GLB1L3: variants seen among roughly 807,000 people sequenced by gnomAD.
GLB1L3 encodes galactosidase beta 1 like 3.
In GLB1L3, 89 loss-of-function variants were observed where a neutral mutation model predicts 89.5. The ratio of observed to expected loss-of-function variants is 0.99; its 90% CI spans 0.84 to 1.19. The LOEUF (loss-of-function observed/expected upper bound fraction) is 1.19, where lower values mean the gene tolerates loss of function less well. Ranked by LOEUF, GLB1L3 falls within the 50% of genes most tolerant of loss-of-function variation. The pLI, the probability that GLB1L3 is intolerant of heterozygous loss-of-function variation, is 0.00. For missense variants in GLB1L3, 812 were observed against 813.3 expected, an observed-to-expected ratio of 1.00 and a Z score of 0.02; for synonymous variants, 314 against 312.3, an observed-to-expected ratio of 1.01 and a Z score of -0.06.
chr11:134,293,124 GTC>G lies in GLB1L3; in HGVS notation c.812-13_812-12del. On this transcript the variant is annotated intron_variant, in intron 8 of 19. Transcript: ENST00000431683. ...AGCACTTGTCTCATGCCTCAGCTGG[GTC>G]TCTCTCTTCTTTATGCAGTGTTGGC... 2 of 1,609,934 alleles carry G rather than the reference GTC, an allele frequency of 1.2e-6. No homozygotes were observed. Among genetic ancestry groups the G allele is most frequent in the South Asian group, 1.1e-5 (1 of 90,948 alleles).
chr11:134,292,923 T>C (rs1941437110), intron 8 of GLB1L3: 1 of 607,242 alleles, frequency 1.6e-6, no homozygotes, highest in South Asian at 1.9e-5. Flanking sequence ...CTGCACAGAG[T>C]GTGGTTAATT....
chr11:134,308,655 T>TCACCACCACCACCACCAA (rs1942556108), intron 10 of GLB1L3, among the ~76,000 whole-genome samples: 27 of 105,556 alleles, frequency 2.6e-4, no homozygotes, highest in East Asian at 6.4e-4. Context: ...ACCACCATCA[T>TCACCACCACCACCACCAA]CACCACCACC....
intron 16 of GLB1L3, among the ~76,000 whole-genome samples, chr11:134,313,725 C>G (rs1942854696): frequency 6.6e-6 from 1 of 152,218 alleles, no homozygotes; most frequent in African/African-American, 2.4e-5. Flanking sequence ...TTGGGAATTT[C>G]AGGAAAAGTT....
In GLB1L3 at chr11:134,310,762, C is replaced by G; in HGVS notation, c.1180+111C>G. 4 of 782,732 alleles carry G rather than the reference C, an allele frequency of 5.1e-6. No homozygotes were observed. In the South Asian group the frequency reaches 6.6e-5, roughly 13 times the overall value. 48.5% of individuals were successfully genotyped at this position (782,732 alleles called of 1,614,324 possible). A position where few individuals can be genotyped will look rare whatever the true frequency, so the allele number is the denominator to read the frequency against. On this transcript the variant is annotated intron_variant, in intron 12 of 19. Coordinates refer to ENST00000431683, the MANE Select transcript of GLB1L3 (RefSeq NM_001080407.3). ...CCTTGTGGGCAGCAGTTACACCAAG[C>G]TCCTGAGAACAAGGGCAACCTTAAC...
At chr11:134,319,741 T>C (rs1219714209), downstream of GLB1L3, among the ~76,000 whole-genome samples, 2 of 139,502 alleles carry the variant, frequency 1.4e-5, no homozygotes, top group East Asian at 4.1e-4. Context: ...TGTGTGTGTG[T>C]GTGTGTGCGC....
At chr11:134,321,823 A>G (rs1297601929), downstream of GLB1L3, among the ~76,000 whole-genome samples, 1 of 152,142 alleles carries the variant, frequency 6.6e-6, no homozygotes, top group Non-Finnish European at 1.5e-5. Context: ...AATGTAAATG[A>G]GGAGTTAATG....
chr11:134,312,993 T>A, intron 15 of GLB1L3, 106 bp downstream of exon 15: 1 of 840,314 alleles, frequency 1.2e-6, no homozygotes, highest in Non-Finnish European at 2.0e-6. Context: ...CTGCTGGTGC[T>A]GCTGCTCACC....
At chr11:134,316,550 C>T (rs576997291) in intron 18 of GLB1L3, among the ~76,000 whole-genome samples, 3 of 152,278 alleles carry the variant, frequency 2.0e-5, no homozygotes, top group African/African-American at 7.2e-5. Context: ...TCATAACAAA[C>T]AGCTGATACT....
chr11:134,295,030 T>C (rs1176262073), intron 9 of GLB1L3, among the ~76,000 whole-genome samples: 1 of 152,262 alleles, frequency 6.6e-6, no homozygotes, highest in African/African-American at 2.4e-5. Context: ...CATATTTTTG[T>C]TGAGAATTTT....
chr11:134,293,345 A>G, intron 9 of GLB1L3, 136 bp downstream of exon 9: 1 of 712,022 alleles, frequency 1.4e-6, no homozygotes, highest in Non-Finnish European at 2.4e-6. Context: ...GCAGGTTCCA[A>G]GCCATTTTGG....
intron 10 of GLB1L3, among the ~76,000 whole-genome samples, chr11:134,308,637 ACACCATCAC>A (rs1565414818): frequency 3.9e-5 from 3 of 76,360 alleles, no homozygotes; most frequent in Non-Finnish European, 8.5e-5. Context: ...ATCACCATCA[ACACCATCAC>A]CACCATCATC....
In GLB1L3 at chr11:134,312,845, T is replaced by C. The variant is rs1317778137; in HGVS notation, c.1458T>C (p.Ile486=). 1 of 1,612,444 alleles carries C rather than the reference T, an allele frequency of 6.2e-7. No individual in the cohort carries two copies. Among genetic ancestry groups the C allele is most frequent in the South Asian group, 1.1e-5 (1 of 90,600 alleles). Reference sequence around the variant, plus strand: ...TTTTGGATGAGACAATGATAGGGATTCTGAATGAGAATAATAAGGACCTGC... The same window carrying C: ...TTTTGGATGAGACAATGATAGGGATCCTGAATGAGAATAATAAGGACCTGC... The part of the protein sequence containing the change: ...QVFLDETMIG[I]LNENNKDLHI... The change falls in exon 15 of 20, where the codon ATT becomes ATC. Residue 486 remains isoleucine, a synonymous_variant. Coordinates refer to ENST00000431683, the MANE Select transcript of GLB1L3 (RefSeq NM_001080407.3).
intron 6 of GLB1L3, among the ~76,000 whole-genome samples, chr11:134,285,250 C>T (rs1940916199): frequency 6.6e-6 from 1 of 151,930 alleles, no homozygotes. Flanking sequence ...TTATGGTGTA[C>T]CCAGACCTCA....
chr11:134,302,137 G>T (rs1144219), intron 9 of GLB1L3, among the ~76,000 whole-genome samples: 41,649 of 151,986 alleles, frequency 0.27, 7,048 homozygotes, highest in Non-Finnish European at 0.37. Flanking sequence ...TTGGTTTCCA[G>T]CCAAATACAA....
intron 9 of GLB1L3, among the ~76,000 whole-genome samples, chr11:134,296,431 T>G (rs1319636541): frequency 4.6e-5 from 6 of 131,658 alleles, no homozygotes; most frequent in African/African-American, 1.7e-4. Flanking sequence ...AGCAAAGACT[T>G]GGAACCAACC....
intron 9 of GLB1L3, among the ~76,000 whole-genome samples, chr11:134,294,407 C>A (rs908030932): frequency 2.0e-5 from 3 of 152,226 alleles, no homozygotes; most frequent in African/African-American, 7.2e-5. Context: ...CGGTGAAAGG[C>A]AGGGGCCCTG....
At chr11:134,321,852 G>A (rs1041338056), downstream of GLB1L3, among the ~76,000 whole-genome samples, 5 of 151,854 alleles carry the variant, frequency 3.3e-5, no homozygotes, top group African/African-American at 1.2e-4. Context: ...ACACCAACAT[G>A]GCACATGTAT....
Position 134,312,824 on chromosome 11 carries a change from G to A in GLB1L3, c.1437G>A (p.Leu479=). ...AHAHDVAQVF[L]DETMIGILNE... Reference sequence around the variant, plus strand: ...CGGCTCTTCTTTTGCAGGTGTTTTTGGATGAGACAATGATAGGGATTCTGA... The same window carrying A: ...CGGCTCTTCTTTTGCAGGTGTTTTTAGATGAGACAATGATAGGGATTCTGA... Residue 479 remains leucine, a synonymous_variant, in exon 15 of 20, where the codon TTG becomes TTA. Coordinates refer to ENST00000431683, the MANE Select transcript of GLB1L3 (RefSeq NM_001080407.3). 1 of 1,611,274 alleles carries A rather than the reference G, an allele frequency of 6.2e-7. No homozygotes were observed.
chr11:134,312,574 C>T (rs1423261460), intron 14 of GLB1L3, 85 bp downstream of exon 14: 41 of 1,507,400 alleles, frequency 2.7e-5, no homozygotes, highest in South Asian at 2.2e-4. Flanking sequence ...GAAGGATGCA[C>T]GTTGCTGTTT....
Sources: allele counts gnomAD v4.1 joint callset (sites outside exome capture counted in the v4.1 genomes callset), GRCh38; gene constraint gnomAD v4.1.1; transcripts MANE v1.5; gene names NCBI Gene and HGNC (gene_info 2026-07-23, HGNC 2026-07-21).